Variants in MYO5B observed in about 807,000 individuals in gnomAD.
The protein encoded by MYO5B is myosin VB, also known as unconventional myosin-Vb.
Under a neutral mutation model 229.3 loss-of-function variants are expected in MYO5B, and 143 were observed. That is an observed-to-expected ratio of 0.62 (90% confidence interval 0.54 to 0.72). MYO5B has a LOEUF of 0.72. Ranked by LOEUF, MYO5B falls within the 30% of genes least tolerant of loss-of-function variation. MYO5B has a pLI of 0.00. For missense variants in MYO5B, 2,321 were observed against 2,331.0 expected (o/e 1.00, Z 0.09); for synonymous variants, 918 against 885.2 (o/e 1.04, Z -0.66).
Position 49,945,278 on chromosome 18 carries a change from A to G in MYO5B, c.1753-7881T>C, listed in dbSNP as rs1454544978. Among the ~76,000 whole-genome samples the G allele has an allele frequency of 2.0e-5, 3 of 152,054 alleles. No homozygotes were observed. In the South Asian group the frequency reaches 6.2e-4, roughly 32 times the overall value. On this transcript the variant is annotated intron_variant, in intron 14 of 39. Coordinates refer to ENST00000285039, the MANE Select transcript of MYO5B (RefSeq NM_001080467.3). ...ATCTTTTCCTGTTACTATGATTCAC[A>G]ATTCCAGCTCGCTCTTCTTTCCTCT...
rs1359018732 is a variant in MYO5B, at chr18:50,169,130, C to A, written c.27+25637G>T. Among the ~76,000 whole-genome samples the A allele has an allele frequency of 2.4e-5, 3 of 124,668 alleles. 1 individual carries two copies. In the Admixed American group the frequency reaches 2.6e-4, roughly 11 times the overall value. The allele number at this position is 124,668 out of a possible 152,430, so 81.8% of individuals were successfully genotyped here. A position where few individuals can be genotyped will look rare whatever the true frequency, so the allele number is the denominator to read the frequency against. On this transcript the variant is annotated intron_variant, in intron 1 of 39. Transcript: ENST00000285039. ...GACCATCCTGGGCAGCATAGGGAGG[C>A]CCCATGCCTACAAAAAATAAAACTA...
At chr18:50,152,876 A>G in intron 1 of MYO5B, among the ~76,000 whole-genome samples, 1 of 151,998 alleles carries the variant, frequency 6.6e-6, no homozygotes, top group East Asian at 1.9e-4. Context: ...AAAAAAAAAA[A>G]AAAAAAAAAA....
chr18:49,975,916 G>A (rs1468129480), intron 9 of MYO5B, among the ~76,000 whole-genome samples: 2 of 152,154 alleles, frequency 1.3e-5, no homozygotes, highest in Admixed American at 6.5e-5. Context: ...CCTGACATTT[G>A]AGTCACTGGA....
intron 1 of MYO5B, among the ~76,000 whole-genome samples, chr18:50,186,819 T>C (rs981630764): frequency 1.3e-5 from 2 of 152,210 alleles, no homozygotes; most frequent in Admixed American, 6.5e-5. Flanking sequence ...TCTGTTCCAA[T>C]GTGTCGGAGC....
intron 4 of MYO5B, among the ~76,000 whole-genome samples, chr18:50,007,955 G>A (rs28739434): frequency 0.35 from 52,718 of 152,016 alleles, 9,887 homozygotes; most frequent in South Asian, 0.59. Flanking sequence ...CTTAGCTAGT[G>A]AGACACTGAG....
intron 9 of MYO5B, among the ~76,000 whole-genome samples, chr18:49,976,165 G>T (rs543089203): frequency 2.6e-5 from 4 of 152,304 alleles, no homozygotes; most frequent in African/African-American, 9.6e-5. Context: ...AACATGATGT[G>T]CCATCTCCTA....
At chr18:49,902,558 C>T (rs755998696) in intron 21 of MYO5B, 36 bp downstream of exon 21, 7 of 1,605,106 alleles carry the variant, frequency 4.4e-6, no homozygotes, top group Non-Finnish European at 5.9e-6. Context: ...AGTACCCAAG[C>T]CCCCGACACC....
chr18:50,077,190 A>C (rs1431045239), intron 1 of MYO5B, among the ~76,000 whole-genome samples: 1,741 of 150,458 alleles, frequency 0.012, 36 homozygotes, highest in African/African-American at 0.041. Context: ...AAAAAAAAAA[A>C]AAAGACAACT....
At position 50,058,438 on chromosome 18, in the gene MYO5B, C is replaced by G. The variant is rs188585097; in HGVS notation, c.28-3060G>C. ...TGAGCTACAATTGTGCCACTGCACT[C>G]CAGCCTGGACAACAAAATGAGACTC... On this transcript the variant is annotated intron_variant, in intron 1 of 39. Coordinates refer to ENST00000285039, the MANE Select transcript of MYO5B (RefSeq NM_001080467.3). Among the ~76,000 whole-genome samples, 4 of 152,288 alleles carry G rather than the reference C, an allele frequency of 2.6e-5. No individual in the cohort carries two copies. In the East Asian group the frequency reaches 7.7e-4, roughly 29 times the overall value.
At chr18:50,153,520 G>A (rs1430829318) in intron 1 of MYO5B, among the ~76,000 whole-genome samples, 3 of 152,098 alleles carry the variant, frequency 2.0e-5, no homozygotes, top group Admixed American at 6.5e-5. Flanking sequence ...GCACGATATC[G>A]GTTCACTGCA....
chr18:50,151,327 T>C (rs942957392), intron 1 of MYO5B, among the ~76,000 whole-genome samples: 1 of 152,200 alleles, frequency 6.6e-6, no homozygotes, highest in African/African-American at 2.4e-5. Flanking sequence ...GTGGACTGAC[T>C]GCACGTCACT....
intron 1 of MYO5B, among the ~76,000 whole-genome samples, chr18:50,076,440 G>A (rs1181736098): frequency 6.6e-6 from 1 of 152,192 alleles, no homozygotes; most frequent in African/African-American, 2.4e-5. Flanking sequence ...GGCGTGGCAG[G>A]AGGAGGGGAA....
At chr18:49,997,948 C>G (rs910365719) in intron 5 of MYO5B, among the ~76,000 whole-genome samples, 1 of 152,170 alleles carries the variant, frequency 6.6e-6, no homozygotes, top group Non-Finnish European at 1.5e-5. Context: ...AGCTGTCTGT[C>G]CCCTGATTAA....
chr18:49,906,602 G>C lies in MYO5B; in HGVS notation c.2231C>G (p.Thr744Ser). ...CTGGCCTGCTCGAAAGAAGATCTTG[G>C]TGCGGCCAAACTGGAACTTGTCGGG... ...KDPDKFQFGR[T>S]KIFFRAGQVA... is the part of the protein sequence containing the mutation. Residue 744 changes from threonine (T) to serine (S), a missense_variant, in exon 19 of 40, where the codon ACC becomes AGC. Coordinates refer to ENST00000285039, the MANE Select transcript of MYO5B (RefSeq NM_001080467.3). The C allele has an allele frequency of 6.2e-7, 1 of 1,614,092 alleles. No homozygotes were observed. The highest frequency in any genetic ancestry group is 2.2e-5 in the East Asian group (1 of 44,880).
At chr18:50,084,487 TTA>T (rs2031287046) in intron 1 of MYO5B, among the ~76,000 whole-genome samples, 1 of 152,198 alleles carries the variant, frequency 6.6e-6, no homozygotes, top group Non-Finnish European at 1.5e-5. Flanking sequence ...GCAAAGTTCT[TTA>T]TGTTTCTCCT....
At chr18:50,144,896 C>G (rs2144292530) in intron 1 of MYO5B, among the ~76,000 whole-genome samples, 1 of 152,286 alleles carries the variant, frequency 6.6e-6, no homozygotes, top group South Asian at 2.1e-4. Context: ...GAGTCTAAAT[C>G]CCAGGTAAAA....
At chr18:50,125,516 A>G (rs1009702744) in intron 1 of MYO5B, among the ~76,000 whole-genome samples, 1 of 152,194 alleles carries the variant, frequency 6.6e-6, no homozygotes, top group Admixed American at 6.5e-5. Context: ...AACTTAAAGT[A>G]TAATAGTAAT....
intron 1 of MYO5B, among the ~76,000 whole-genome samples, chr18:50,175,424 T>C (rs780725889): frequency 1.3e-5 from 2 of 152,244 alleles, no homozygotes; most frequent in Non-Finnish European, 2.9e-5. Context: ...AACTAAAGCA[T>C]GTTTTAAACT....
At chr18:50,102,157 C>G (rs1395600634) in intron 1 of MYO5B, among the ~76,000 whole-genome samples, 1 of 152,060 alleles carries the variant, frequency 6.6e-6, no homozygotes, top group Non-Finnish European at 1.5e-5. Flanking sequence ...GAGGAGAAAA[C>G]CAAATACCAC....
Sources: gnomAD v4.1 joint callset for allele counts (sites outside exome capture counted in the v4.1 genomes callset) on GRCh38, gnomAD v4.1.1 for gene constraint, MANE v1.5 for transcripts, NCBI Gene and HGNC (gene_info 2026-07-23, HGNC 2026-07-21) for gene names.